The following MLKL variants were observed in gnomAD, a reference collection of about 807,000 sequenced individuals.
MLKL encodes the protein mixed lineage kinase domain like pseudokinase.
MLKL carries 55 observed loss-of-function variants against 56.5 expected under a neutral mutation model. That is an observed-to-expected ratio of 0.97 (90% CI 0.78 to 1.22). MLKL has a LOEUF of 1.22. Among genes scored for constraint, MLKL ranks in the 50% most tolerant of loss-of-function variants. MLKL has a pLI of 0.00. For missense variants in MLKL, 694 were observed against 573.9 expected (o/e 1.21, Z -2.14); for synonymous variants, 251 against 208.3 (o/e 1.20, Z -1.76).
intron 4 of MLKL, 24 bp downstream of exon 4, chr16:74,691,253 A>C (rs1400553059): frequency 3.1e-6 from 5 of 1,588,968 alleles, no homozygotes; most frequent in Non-Finnish European, 4.3e-6. Context: ...GGTACACACG[A>C]GAGAACCACA....
chr16:74,683,030 G>C (rs1960090105), intron 5 of MLKL, among the ~76,000 whole-genome samples: 1 of 152,050 alleles, frequency 6.6e-6, no homozygotes, highest in Non-Finnish European at 1.5e-5. Context: ...AAAAAAATTG[G>C]CTGGGTGCGT....
At chr16:74,692,646 T>C (rs117856400) in intron 2 of MLKL, among the ~76,000 whole-genome samples, 4,427 of 152,340 alleles carry the variant, frequency 0.029, 79 homozygotes, top group Non-Finnish European at 0.042. Context: ...AGAAAAGAGA[T>C]GTCTGTCACT....
In MLKL at chr16:74,675,769, A is replaced by G. The variant is rs757568996; in HGVS notation, c.1039-5T>C. 1 of 1,613,404 alleles carries G rather than the reference A, an allele frequency of 6.2e-7. No individual in the cohort carries two copies. Among genetic ancestry groups the G allele is most frequent in the South Asian group, 1.1e-5 (1 of 90,908 alleles). ...CCTCAACTCAAATCCTGCAAGCTAG[A>G]TAGAGAGGCAACTTAGAAAGAAACA... On this transcript the variant is annotated splice_polypyrimidine_tract_variant and splice_region_variant and intron_variant, in intron 7 of 10. Coordinates refer to ENST00000308807, the MANE Select transcript of MLKL (RefSeq NM_152649.4).
chr16:74,683,571 G>A (rs1960128392), intron 5 of MLKL, among the ~76,000 whole-genome samples: 1 of 147,154 alleles, frequency 6.8e-6, no homozygotes, highest in Non-Finnish European at 1.5e-5. Context: ...TCCAGCCTGA[G>A]TGACAGAATG....
intron 7 of MLKL, 103 bp from the exon 8 acceptor site, chr16:74,675,867 C>T: frequency 2.4e-6 from 3 of 1,257,044 alleles, no homozygotes; most frequent in South Asian, 1.4e-5. Flanking sequence ...TTGTCTTTTA[C>T]CTTAGGGATT....
At chr16:74,683,317 C>A (rs1369911387) in intron 5 of MLKL, among the ~76,000 whole-genome samples, 3 of 150,172 alleles carry the variant, frequency 2.0e-5, no homozygotes, top group African/African-American at 7.4e-5. Flanking sequence ...AATGTTCTGC[C>A]AGGTGTGGTG....
chr16:74,689,051 G>A (rs1054931412), intron 4 of MLKL, among the ~76,000 whole-genome samples: 1 of 152,064 alleles, frequency 6.6e-6, no homozygotes, highest in African/African-American at 2.4e-5. Context: ...GTGGTGATAG[G>A]GGTGAAAGAG....
chr16:74,692,497 T>A (rs377212960), intron 2 of MLKL, 81 bp from the exon 3 acceptor site: 3 of 1,110,144 alleles, frequency 2.7e-6, no homozygotes, highest in African/African-American at 3.2e-5. Flanking sequence ...TAATTAAAAC[T>A]GTTGAGATAT....
At chr16:74,700,148 C>T (rs1961299885) in intron 1 of MLKL, among the ~76,000 whole-genome samples, 1 of 152,200 alleles carries the variant, frequency 6.6e-6, no homozygotes, top group Non-Finnish European at 1.5e-5. Context: ...CACTCTGTCT[C>T]TCTCTCACGC....
intron 9 of MLKL, 23 bp from the exon 10 acceptor site, chr16:74,675,123 C>T (rs1959507069): frequency 6.2e-7 from 1 of 1,610,534 alleles, no homozygotes; most frequent in Non-Finnish European, 8.5e-7. Context: ...GCATGAGAGC[C>T]TCAAAAAATT....
intron 4 of MLKL, among the ~76,000 whole-genome samples, chr16:74,689,074 G>A (rs1025298928): frequency 6.6e-5 from 10 of 151,770 alleles, no homozygotes; most frequent in African/African-American, 2.4e-4. Flanking sequence ...ATGACTGCTA[G>A]TGGGTATAGG....
In MLKL at chr16:74,695,483, C is replaced by A. The variant is rs201376894; in HGVS notation, c.275G>T (p.Ser92Ile). ...RSNICRFLTA[S>I]QDKILFKDVN... The stretch of plus-strand genomic sequence containing the variant: ...GTCCTTGAAGAGTATTTTGTCCTGG[C>A]TTGCTGTTAGAAACCTGCAGATATT... Residue 92 changes from serine to isoleucine, a missense_variant, in exon 2 of 11, where the codon AGC (serine) becomes ATC (isoleucine). Transcript: ENST00000308807. 1.9e-6 allele frequency: 3 copies of A among 1,614,080 alleles called. No individual in the cohort carries two copies. The highest frequency in any genetic ancestry group is 1.6e-4 in the Middle Eastern group (1 of 6,084).
At chr16:74,682,556 G>A (rs1459014787) in intron 6 of MLKL, 95 bp downstream of exon 6, 2 of 1,500,272 alleles carry the variant, frequency 1.3e-6, no homozygotes, top group Non-Finnish European at 1.8e-6. Flanking sequence ...GAGACTGTCT[G>A]GGGCGTCTGG....
intron 2 of MLKL, among the ~76,000 whole-genome samples, chr16:74,694,278 A>T (rs1258893022): frequency 6.6e-6 from 1 of 152,088 alleles, no homozygotes; most frequent in African/African-American, 2.4e-5. Flanking sequence ...AATGGATGAG[A>T]TTATCATTTT....
chr16:74,696,075 G>C (rs112384285), intron 1 of MLKL, among the ~76,000 whole-genome samples: 2,796 of 152,286 alleles, frequency 0.018, 48 homozygotes, highest in African/African-American at 0.051. Flanking sequence ...GACTGGGGCA[G>C]CTGTGCCGCC....
chr16:74,690,204 A>G (rs957506322), intron 4 of MLKL, among the ~76,000 whole-genome samples: 1 of 152,266 alleles, frequency 6.6e-6, no homozygotes, highest in African/African-American at 2.4e-5. Flanking sequence ...TGCAAGTTCA[A>G]ATAACTACAA....
intron 2 of MLKL, 48 bp downstream of exon 2, chr16:74,695,249 TA>T: frequency 1.9e-6 from 3 of 1,561,438 alleles, no homozygotes; most frequent in East Asian, 2.2e-5. Context: ...AAAGTGAGAC[TA>T]AAATGCATTC....
chr16:74,683,653 G>T (rs547253787), intron 5 of MLKL, among the ~76,000 whole-genome samples: 2 of 151,130 alleles, frequency 1.3e-5, no homozygotes, highest in Admixed American at 1.3e-4. Context: ...TCCCTTTCTT[G>T]GTATAATTCA....
rs538252702 is a variant in MLKL at position 74,679,030 on chromosome 16, T to C, written c.957-50A>G. On this transcript the variant is annotated intron_variant, in intron 6 of 10. Transcript: ENST00000308807. ...ATAAGTACCTTTGCCCAAACTTTCT[T>C]TGGGGGACTGACAATCATAACTGGG... The C allele has an allele frequency of 2.7e-6, 4 of 1,455,588 alleles. No individual in the cohort carries two copies. The African/African-American group carries it at 4.2e-5, about 15-fold the overall frequency. 90.2% of individuals were successfully genotyped at this position (1,455,588 alleles called of 1,614,324 possible).
Sources: gnomAD v4.1 joint callset for allele counts (sites outside exome capture counted in the v4.1 genomes callset) on GRCh38, gnomAD v4.1.1 for gene constraint, MANE v1.5 for transcripts, NCBI Gene and HGNC (gene_info 2026-07-23, HGNC 2026-07-21) for gene names.